The following LRRC4C variants were observed in gnomAD, a reference collection of about 807,000 sequenced individuals.
LRRC4C encodes leucine rich repeat containing 4C.
LRRC4C carries 5 observed loss-of-function variants against 33.6 expected under a neutral mutation model. The ratio of observed to expected loss-of-function variants is 0.15; its 90% CI spans 0.08 to 0.31. LRRC4C has a LOEUF of 0.31. Among genes scored for constraint, LRRC4C ranks in the 10% least tolerant of loss-of-function variants. LRRC4C has a pLI of 1.00. For missense variants in LRRC4C, 560 were observed against 796.7 expected, an observed-to-expected ratio of 0.70 and a Z score of 3.58; for synonymous variants, 329 against 302.0, an observed-to-expected ratio of 1.09 and a Z score of -0.93.
intron 5 of LRRC4C, among the ~76,000 whole-genome samples, chr11:40,162,616 T>C (rs1859251780): frequency 6.6e-6 from 1 of 152,186 alleles, no homozygotes; most frequent in Non-Finnish European, 1.5e-5. Flanking sequence ...AAATGTTTCG[T>C]CGCTTTGTAG....
chr11:40,970,100 C>G (rs552842156), intron 1 of LRRC4C, among the ~76,000 whole-genome samples: 2 of 152,090 alleles, frequency 1.3e-5, no homozygotes, highest in Non-Finnish European at 2.9e-5. Flanking sequence ...CCAGCTGACC[C>G]CTGCTGACTC....
intron 3 of LRRC4C, among the ~76,000 whole-genome samples, chr11:40,349,387 A>G (rs1590397015): frequency 6.8e-6 from 1 of 148,130 alleles, no homozygotes; most frequent in East Asian, 2.1e-4. Flanking sequence ...ATGTTGCTGC[A>G]AATGACAGAA....
At chr11:41,381,022 C>T (rs1389114763) in intron 1 of LRRC4C, among the ~76,000 whole-genome samples, 1 of 152,074 alleles carries the variant, frequency 6.6e-6, no homozygotes, top group African/African-American at 2.4e-5. Context: ...AATGTAAAAC[C>T]ACGCTATCTG....
chr11:40,968,736 C>T (rs1023357638), intron 1 of LRRC4C, among the ~76,000 whole-genome samples: 1 of 152,076 alleles, frequency 6.6e-6, no homozygotes, highest in African/African-American at 2.4e-5. Flanking sequence ...ATATTTTAAG[C>T]CCACTTTTGA....
intron 1 of LRRC4C, among the ~76,000 whole-genome samples, chr11:41,241,945 T>C (rs1948267583): frequency 6.6e-6 from 1 of 152,202 alleles, no homozygotes. Context: ...ATGCACACAG[T>C]TGGCTAATAA....
chr11:40,833,777 T>C (rs1952528562), intron 2 of LRRC4C, among the ~76,000 whole-genome samples: 1 of 87,522 alleles, frequency 1.1e-5, no homozygotes, highest in East Asian at 7.6e-4. Flanking sequence ...ATATTACATT[T>C]AGAAATAATT....
chr11:41,411,553 T>A (rs1400665831), intron 1 of LRRC4C, among the ~76,000 whole-genome samples: 3 of 152,154 alleles, frequency 2.0e-5, no homozygotes, highest in African/African-American at 4.8e-5. Context: ...AAATTGTACT[T>A]CAGATAAATC....
At chr11:40,855,065 C>G (rs1023608511) in intron 2 of LRRC4C, among the ~76,000 whole-genome samples, 3 of 152,046 alleles carry the variant, frequency 2.0e-5, no homozygotes, top group African/African-American at 7.2e-5. Flanking sequence ...TTTCTCTGTT[C>G]AAAATGATTG....
intron 1 of LRRC4C, among the ~76,000 whole-genome samples, chr11:41,164,008 C>A (rs566935249): frequency 6.6e-6 from 1 of 152,130 alleles, no homozygotes; most frequent in Non-Finnish European, 1.5e-5. Flanking sequence ...TGATACAAGC[C>A]TATAGTGTGT....
chr11:41,034,117 C>G (rs572723134), intron 1 of LRRC4C, among the ~76,000 whole-genome samples: 3 of 152,002 alleles, frequency 2.0e-5, no homozygotes, highest in Admixed American at 1.3e-4. Flanking sequence ...GTGTTGGAAA[C>G]TTGGATTAAT....
chr11:40,665,308 TAAA>T (rs55827045), intron 2 of LRRC4C, among the ~76,000 whole-genome samples: 1,406 of 43,060 alleles, frequency 0.033, 59 homozygotes, highest in Middle Eastern at 0.089. Flanking sequence ...ATTGCTTTCT[TAAA>T]AAAAAAAAAA....
rs552909297 is a variant in LRRC4C at position 40,660,857 on chromosome 11, CTAATAT to C, written c.-406-12585_-406-12580del. ...TATAACGAAAGCTAAAACAGAAACA[CTAATAT>C]TAAAGATGAAATCTTTGCAAATTAT... On this transcript the variant is annotated intron_variant, in intron 2 of 6. Coordinates refer to ENST00000528697, the MANE Select transcript of LRRC4C (RefSeq NM_001258419.2). Among the ~76,000 whole-genome samples, 540 of 152,212 alleles carry C rather than the reference CTAATAT, an allele frequency of 3.5e-3. 5 individuals carry two copies. The highest frequency in any genetic ancestry group is 0.013 in the African/African-American group (522 of 41,514).
At chr11:40,122,824 G>C (rs1855923465) in intron 6 of LRRC4C, among the ~76,000 whole-genome samples, 1 of 125,576 alleles carries the variant, frequency 8.0e-6, no homozygotes, top group Non-Finnish European at 1.6e-5. Context: ...TCTTTTCTAA[G>C]AAAATTTTAT....
chr11:40,882,950 A>G (rs1188245636), intron 2 of LRRC4C, among the ~76,000 whole-genome samples: 4 of 152,108 alleles, frequency 2.6e-5, no homozygotes, highest in South Asian at 2.1e-4. Flanking sequence ...ATTTGCTTCA[A>G]AATGGGGTTT....
In LRRC4C at chr11:41,055,434, C is replaced by T. The variant is rs913108212; in HGVS notation, c.-495-121711G>A. Reference sequence around the variant, plus strand: ...TGCCAATTGGGTAATCCAATTTATACTCTTATAAGCATACAGGTAGTGTAA... The same window carrying T: ...TGCCAATTGGGTAATCCAATTTATATTCTTATAAGCATACAGGTAGTGTAA... On this transcript the variant is annotated intron_variant, in intron 1 of 6. Transcript: ENST00000528697. Among the ~76,000 whole-genome samples the T allele has an allele frequency of 3.9e-5, 6 of 152,090 alleles. No individual in the cohort carries two copies. In the East Asian group the frequency reaches 1.2e-3, roughly 29 times the overall value.
rs557581038 is a variant in LRRC4C, at chr11:41,331,179, A to G, written c.-496+128252T>C. Among the ~76,000 whole-genome samples the G allele has an allele frequency of 1.1e-3, 164 of 152,254 alleles. 1 individual carries two copies. Among genetic ancestry groups the G allele is most frequent in the African/African-American group, 3.8e-3 (158 of 41,550 alleles). The stretch of plus-strand genomic sequence containing the variant: ...TCCAAAAATAATTACAGTTCATGCA[A>G]TTCTCCCTCAGGCTCTGAACAAAAT... On this transcript the variant is annotated intron_variant, in intron 1 of 6. Transcript: ENST00000528697.
In LRRC4C at chr11:40,710,654, G is replaced by A. The variant is rs190830507; in HGVS notation, c.-406-62376C>T. ...CCTACTGAGAGGTGTCTCCAAGTTA[G>A]GCTACCCACTTGAGGAGGCAGTCTG... On this transcript the variant is annotated intron_variant, in intron 2 of 6. Coordinates refer to ENST00000528697, the MANE Select transcript of LRRC4C (RefSeq NM_001258419.2). Among the ~76,000 whole-genome samples, 674 of 152,234 alleles carry A rather than the reference G, an allele frequency of 4.4e-3. 2 individuals carry two copies. Among genetic ancestry groups the A allele is most frequent in the Non-Finnish European group, 6.6e-3 (448 of 67,962 alleles).
At chr11:40,191,049 G>A (rs1231722059) in intron 5 of LRRC4C, among the ~76,000 whole-genome samples, 1 of 152,088 alleles carries the variant, frequency 6.6e-6, no homozygotes, top group African/African-American at 2.4e-5. Context: ...TATATTACTT[G>A]AGTACTTACT....
At position 41,214,409 on chromosome 11, in the gene LRRC4C, G is replaced by T. The variant is rs144983662; in HGVS notation, c.-496+245022C>A. On this transcript the variant is annotated intron_variant, in intron 1 of 6. Transcript: ENST00000528697. ...AATAAAAATGAAAAAGAGAAAAAAC[G>T]TATAACAATGGCTGGCAACTACCTA... Among the ~76,000 whole-genome samples, 67 of 151,692 alleles carry T rather than the reference G, an allele frequency of 4.4e-4. 1 individual carries two copies. The East Asian group carries it at 0.012, about 28-fold the overall frequency.
Sources: gnomAD v4.1 joint callset for allele counts (sites outside exome capture counted in the v4.1 genomes callset) on GRCh38, gnomAD v4.1.1 for gene constraint, MANE v1.5 for transcripts, NCBI Gene and HGNC (gene_info 2026-07-23, HGNC 2026-07-21) for gene names.